The following ERICH2 variants were observed in gnomAD, a reference collection of about 807,000 sequenced individuals.
The protein encoded by ERICH2 is glutamate rich 2.
In ERICH2, 17 loss-of-function variants were observed where a neutral mutation model predicts 17.4. The observed-to-expected ratio is 0.98, with a 90% confidence interval of 0.67 to 1.47. ERICH2 has a LOEUF of 1.47. Among genes scored for constraint, ERICH2 ranks in the 40% most tolerant of loss-of-function variants. ERICH2 has a pLI of 0.00. For missense variants in ERICH2, 186 were observed against 183.2 expected, an observed-to-expected ratio of 1.01 and a Z score of -0.09; for synonymous variants, 51 against 61.1, an observed-to-expected ratio of 0.83 and a Z score of 0.77.
the ERICH2 span, chr2:170,777,770 A>C: frequency 1.1e-6 from 1 of 895,264 alleles, no homozygotes; most frequent in Non-Finnish European, 1.5e-6. Flanking sequence ...TCACCCAATT[A>C]AATTTGAAAG....
At chr2:170,777,599 A>G in the ERICH2 span, 1 of 1,156,568 alleles carries the variant, frequency 8.6e-7, no homozygotes. Flanking sequence ...TATGTCAGGG[A>G]CATCAGTGTT....
intron 2 of ERICH2, among the ~76,000 whole-genome samples, chr2:170,790,193 GA>G (rs1158014669): frequency 6.6e-6 from 1 of 152,160 alleles, no homozygotes; most frequent in African/African-American, 2.4e-5. Flanking sequence ...GAATGTAAAA[GA>G]AAAATAAAAA....
chr2:170,786,869 A>G (rs574918180), intron 2 of ERICH2, among the ~76,000 whole-genome samples: 4 of 152,108 alleles, frequency 2.6e-5, no homozygotes, highest in East Asian at 1.9e-4. Flanking sequence ...TTCTGTCATC[A>G]TCATGTTCAT....
At chr2:170,794,105 C>CTT (rs59152667) in intron 3 of ERICH2, among the ~76,000 whole-genome samples, 27,033 of 88,470 alleles carry the variant, frequency 0.31, 4,220 homozygotes, top group East Asian at 0.47. Flanking sequence ...TCCTTTCTTT[C>CTT]TTTTTTTTTT....
chr2:170,777,521 T>A, the ERICH2 span: 1 of 1,070,572 alleles, frequency 9.3e-7, no homozygotes, highest in Non-Finnish European at 1.2e-6. Flanking sequence ...TTGAATGACT[T>A]AGTAATTAAA....
At chr2:170,773,258 C>T in the ERICH2 span, among the ~76,000 whole-genome samples, 6 of 152,172 alleles carry the variant, frequency 3.9e-5, no homozygotes, top group African/African-American at 1.4e-4. Context: ...GATTTCTTCC[C>T]AAAGTTAGTT....
At chr2:170,773,306 GT>G in the ERICH2 span, among the ~76,000 whole-genome samples, 1 of 152,212 alleles carries the variant, frequency 6.6e-6, no homozygotes, top group African/African-American at 2.4e-5. Flanking sequence ...CAGCTAGGAG[GT>G]TAGAAGCAAG....
intron 3 of ERICH2, among the ~76,000 whole-genome samples, chr2:170,794,252 T>G (rs1351619277): frequency 6.6e-6 from 1 of 151,526 alleles, no homozygotes; most frequent in Non-Finnish European, 1.5e-5. Flanking sequence ...GATTACAGGC[T>G]TGTGCCACCA....
At position 170,797,955 on chromosome 2, in the gene ERICH2, G is replaced by T; in HGVS notation, c.275-86G>T. On this transcript the variant is annotated intron_variant, in intron 3 of 4. Transcript: ENST00000409885. ...ATTGTGCCTTTCACCTGCTCTGACT[G>T]ACAGTTCAATTTCATTCTAAGGAGC... 3.5e-6 allele frequency: 3 copies of T among 858,390 alleles called. No individual in the cohort carries two copies. The South Asian group carries it at 4.4e-5, about 13-fold the overall frequency. 53.2% of individuals were successfully genotyped at this position (858,390 alleles called of 1,614,324 possible).
chr2:170,797,270 C>T (rs1701448317), intron 3 of ERICH2, among the ~76,000 whole-genome samples: 1 of 152,204 alleles, frequency 6.6e-6, no homozygotes, highest in Non-Finnish European at 1.5e-5. Flanking sequence ...AAAACTTCCT[C>T]TGTGTTCCGA....
At chr2:170,782,482 C>A, upstream of ERICH2, 2 of 489,488 alleles carry the variant, frequency 4.1e-6, no homozygotes, top group Non-Finnish European at 5.3e-6. Context: ...CTCTGTAGAT[C>A]TGGGGCGGGT....
At chr2:170,781,101 C>T (rs1299556629), upstream of ERICH2, among the ~76,000 whole-genome samples, 1 of 152,088 alleles carries the variant, frequency 6.6e-6, no homozygotes, top group African/African-American at 2.4e-5. Flanking sequence ...CCATTCCCTC[C>T]CATAGTATTA....
intron 2 of ERICH2, among the ~76,000 whole-genome samples, chr2:170,789,913 T>C (rs964067071): frequency 2.6e-5 from 4 of 152,162 alleles, no homozygotes; most frequent in Non-Finnish European, 5.9e-5. Flanking sequence ...TTTAAAATAA[T>C]CCAGACAGAG....
intron 2 of ERICH2, among the ~76,000 whole-genome samples, chr2:170,790,490 G>C (rs1377185309): frequency 6.6e-6 from 1 of 152,228 alleles, no homozygotes; most frequent in East Asian, 1.9e-4. Flanking sequence ...AGCCAGGCAT[G>C]GTGGCAGGCG....
intron 2 of ERICH2, among the ~76,000 whole-genome samples, chr2:170,785,316 C>T (rs1701133417): frequency 6.6e-6 from 1 of 152,034 alleles, no homozygotes; most frequent in Admixed American, 6.6e-5. Flanking sequence ...CAGATGCTTA[C>T]CTGGCTACTC....
chr2:170,784,676 A>C, exon 2 of ERICH2: 1 of 1,538,054 alleles, frequency 6.5e-7, no homozygotes, highest in South Asian at 1.2e-5. Flanking sequence ...GTCATTGTAA[A>C]GCAGGAGAAA....
At position 170,797,811 on chromosome 2, in the gene ERICH2, A is replaced by AAAAG. The variant is rs1553569267; in HGVS notation, c.275-218_275-215dup. On this transcript the variant is annotated intron_variant, in intron 3 of 4. Transcript: ENST00000409885. ...TGTCTCAGGGAAAAAAAAAAAAAAA[A>AAAAG]AAAGAAAGAAAGAAAATATAGTGAG... is the stretch of plus-strand genomic sequence containing the variant. 1.2e-3 allele frequency among the ~76,000 whole-genome samples: 167 copies of AAAAG among 136,672 alleles called. 2 individuals carry two copies. The highest frequency in any genetic ancestry group is 1.4e-3 in the South Asian group (6 of 4,234). The allele number at this position is 136,672 out of a possible 152,430, so 89.7% of individuals were successfully genotyped here. A position where few individuals can be genotyped will look rare whatever the true frequency, so the allele number is the denominator to read the frequency against.
intron 4 of ERICH2, 72 bp downstream of exon 9, chr2:170,798,184 G>T (rs1047696906): frequency 2.0e-5 from 21 of 1,030,494 alleles, no homozygotes; most frequent in Non-Finnish European, 3.1e-5. Context: ...CCATTATCCC[G>T]GGAGATTGTC....
the ERICH2 span, chr2:170,771,077 A>G: frequency 2.7e-5 from 4 of 147,030 alleles, no homozygotes; most frequent in Admixed American, 2.8e-4. This position sits in a 1 kb window ranked among gnomAD's most constrained non-coding sequence, Gnocchi z 4.8. Context: ...TGCAGTCTCC[A>G]CGGCGACGCT....
Sources: allele counts gnomAD v4.1 joint callset (sites outside exome capture counted in the v4.1 genomes callset), GRCh38; gene constraint gnomAD v4.1.1; non-coding constraint Gnocchi (gnomAD v3.1); transcripts MANE v1.5; gene names NCBI Gene and HGNC (gene_info 2026-07-23, HGNC 2026-07-21).